Variants in ARK2C observed in about 807,000 individuals in gnomAD.
The protein encoded by ARK2C is E3 ubiquitin-protein ligase ARK2C.
the ARK2C span, among the ~76,000 whole-genome samples, chr18:46,406,871 C>A: frequency 6.6e-6 from 1 of 152,194 alleles, no homozygotes; most frequent in Admixed American, 6.5e-5. Flanking sequence ...CAGGCTCTGG[C>A]CCCTCTAGCC....
chr18:46,402,517 G>T, the ARK2C span, among the ~76,000 whole-genome samples: 4 of 151,670 alleles, frequency 2.6e-5, no homozygotes, highest in African/African-American at 7.3e-5. Context: ...ACATGTGTGT[G>T]TTTTTTTTTC....
chr18:46,416,554 A>G, the ARK2C span, among the ~76,000 whole-genome samples: 2 of 152,238 alleles, frequency 1.3e-5, no homozygotes, highest in African/African-American at 4.8e-5. Flanking sequence ...CGCCATTTGT[A>G]TCAGTTAGCT....
chr18:46,354,420 G>A, the ARK2C span, among the ~76,000 whole-genome samples: 5 of 152,362 alleles, frequency 3.3e-5, no homozygotes, highest in Admixed American at 2.6e-4. Flanking sequence ...CCTCATGCAC[G>A]AAGTGCAGGA....
chr18:46,350,630 G>A, the ARK2C span, among the ~76,000 whole-genome samples: 37 of 152,246 alleles, frequency 2.4e-4, no homozygotes, highest in South Asian at 5.8e-3. Flanking sequence ...CTCTGCTGGC[G>A]TTCCTCCTGC....
the ARK2C span, among the ~76,000 whole-genome samples, chr18:46,370,314 G>A: frequency 7.9e-5 from 12 of 152,314 alleles, 1 homozygote; most frequent in South Asian, 2.1e-4. Context: ...GCCTTGAAGG[G>A]ATAATCATCT....
the ARK2C span, chr18:46,450,278 G>A: frequency 1.9e-6 from 3 of 1,557,302 alleles, no homozygotes; most frequent in African/African-American, 2.7e-5. Flanking sequence ...TCTATCCAAG[G>A]CGTTTTCTAC....
At chr18:46,389,365 C>T in the ARK2C span, among the ~76,000 whole-genome samples, 1 of 152,316 alleles carries the variant, frequency 6.6e-6, no homozygotes, top group African/African-American at 2.4e-5. Context: ...AAGTTCTAAA[C>T]ACACTGGATA....
At chr18:46,377,186 G>A in the ARK2C span, among the ~76,000 whole-genome samples, 3 of 152,160 alleles carry the variant, frequency 2.0e-5, no homozygotes, top group African/African-American at 7.2e-5. Flanking sequence ...TCTGAAAAAG[G>A]TATATAATGT....
the ARK2C span, among the ~76,000 whole-genome samples, chr18:46,344,025 G>A: frequency 1.7e-3 from 254 of 152,306 alleles, 1 homozygote; most frequent in African/African-American, 5.5e-3. Context: ...ACATGCCTGG[G>A]TGTGCCGCTG....
chr18:46,450,669 G>A, the ARK2C span: 1 of 1,529,482 alleles, frequency 6.5e-7, no homozygotes, highest in Non-Finnish European at 9.1e-7. Context: ...ATTTATACAT[G>A]CTGAGCACAC....
chr18:46,455,945 A>G, the ARK2C span: 1 of 1,457,896 alleles, frequency 6.9e-7, no homozygotes, highest in Non-Finnish European at 9.6e-7. Flanking sequence ...GCCCCAGGTA[A>G]TGAATACTAC....
the ARK2C span, among the ~76,000 whole-genome samples, chr18:46,399,907 T>C: frequency 6.6e-6 from 1 of 152,304 alleles, no homozygotes; most frequent in South Asian, 2.1e-4. Context: ...GCAGGTGGCT[T>C]TTCCAAAGCA....
the ARK2C span, among the ~76,000 whole-genome samples, chr18:46,383,134 G>T: frequency 6.6e-5 from 10 of 152,372 alleles, no homozygotes; most frequent in Middle Eastern, 6.8e-3. Context: ...GGTAGGTGCT[G>T]GTTGGGTCAG....
At chr18:46,401,484 T>C in the ARK2C span, among the ~76,000 whole-genome samples, 21 of 152,342 alleles carry the variant, frequency 1.4e-4, no homozygotes, top group South Asian at 4.1e-3. Flanking sequence ...AAAAAGACCT[T>C]AGCAATTCTT....
chr18:46,406,387 G>A, the ARK2C span, among the ~76,000 whole-genome samples: 1 of 152,194 alleles, frequency 6.6e-6, no homozygotes, highest in Non-Finnish European at 1.5e-5. Context: ...TGCTGGCCGG[G>A]GCTGGCCAGC....
At chr18:46,433,400 A>G in the ARK2C span, 1 of 1,613,384 alleles carries the variant, frequency 6.2e-7, no homozygotes, top group African/African-American at 1.3e-5. Context: ...CTGCAGTTCC[A>G]GGACGTCACA....
chr18:46,422,525 T>A, the ARK2C span, among the ~76,000 whole-genome samples: 1 of 152,218 alleles, frequency 6.6e-6, no homozygotes, highest in Non-Finnish European at 1.5e-5. Context: ...TACATCTCCC[T>A]CCACCTGGGC....
At chr18:46,350,034 A>G in the ARK2C span, among the ~76,000 whole-genome samples, 1 of 152,192 alleles carries the variant, frequency 6.6e-6, no homozygotes, top group East Asian at 1.9e-4. Flanking sequence ...ATGCCAATAC[A>G]TGCACAGACT....
chr18:46,444,073 A>G, the ARK2C span, among the ~76,000 whole-genome samples: 8 of 152,040 alleles, frequency 5.3e-5, no homozygotes, highest in Admixed American at 3.9e-4. Flanking sequence ...CATAGGTGCC[A>G]TTCCTTTGTC....
Sources: allele counts gnomAD v4.1 joint callset (sites outside exome capture counted in the v4.1 genomes callset), GRCh38; gene constraint gnomAD v4.1.1; transcripts MANE v1.5; gene names NCBI Gene and HGNC (gene_info 2026-07-23, HGNC 2026-07-21).